The following ESR1 variants were observed in gnomAD, a reference collection of about 807,000 sequenced individuals.
ESR1 encodes the protein estrogen receptor.
A neutral mutation model predicts 52.7 loss-of-function variants in ESR1; 12 were observed. That is an observed-to-expected ratio of 0.23 (90% CI 0.15 to 0.37). The LOEUF (loss-of-function observed/expected upper bound fraction) is 0.37, where lower values mean the gene tolerates loss of function less well. Among genes scored for constraint, ESR1 ranks in the 10% least tolerant of loss-of-function variants. The pLI is 1.00. For missense variants in ESR1, 584 were observed against 779.7 expected, an observed-to-expected ratio of 0.75 and a Z score of 2.99; for synonymous variants, 305 against 316.8, an observed-to-expected ratio of 0.96 and a Z score of 0.39.
At chr6:151,664,040 C>T (rs1777733604) in intron 1 of ESR1, among the ~76,000 whole-genome samples, 2 of 152,190 alleles carry the variant, frequency 1.3e-5, no homozygotes, top group Non-Finnish European at 2.9e-5. Flanking sequence ...AGTGTTTCCA[C>T]TGCCCTTTGT....
intron 3 of ESR1, among the ~76,000 whole-genome samples, chr6:151,918,862 G>A (rs73784103): frequency 6.6e-6 from 1 of 152,312 alleles, no homozygotes; most frequent in African/African-American, 2.4e-5. Context: ...GGCAAATTAA[G>A]ATATACCACT....
intron 3 of ESR1, among the ~76,000 whole-genome samples, chr6:151,890,084 T>C (rs1028768289): frequency 2.6e-5 from 4 of 151,908 alleles, no homozygotes; most frequent in Admixed American, 2.6e-4. Context: ...TATACTGTTT[T>C]TTTTCTTTTT....
intron 3 of ESR1, among the ~76,000 whole-genome samples, chr6:151,887,867 C>T (rs114090685): frequency 0.01 from 1,573 of 152,038 alleles, 16 homozygotes; most frequent in African/African-American, 0.037. Context: ...TTTTTGTATA[C>T]GGCATGAGAT....
At chr6:152,016,068 G>A (rs980074935) in intron 5 of ESR1, among the ~76,000 whole-genome samples, 4 of 152,140 alleles carry the variant, frequency 2.6e-5, no homozygotes, top group African/African-American at 9.7e-5. Flanking sequence ...TACTGTTAGT[G>A]TGGTAGTGAA....
At chr6:151,877,008 A>C (rs1325924066) in intron 2 of ESR1, among the ~76,000 whole-genome samples, 1 of 151,952 alleles carries the variant, frequency 6.6e-6, no homozygotes, top group Non-Finnish European at 1.5e-5. Context: ...TTTCACTAAG[A>C]CAACTGGTGT....
At chr6:152,115,866 G>T (rs1172755453) in intron 6 of ESR1, among the ~76,000 whole-genome samples, 1 of 152,122 alleles carries the variant, frequency 6.6e-6, no homozygotes, top group African/African-American at 2.4e-5. Context: ...TAGCATCTAG[G>T]CCAGCCCTTC....
At chr6:151,927,230 G>A (rs944633237) in intron 3 of ESR1, among the ~76,000 whole-genome samples, 5 of 152,072 alleles carry the variant, frequency 3.3e-5, no homozygotes, top group African/African-American at 7.2e-5. Context: ...TTTATGCATC[G>A]TTTGTTCTGT....
In ESR1 at chr6:151,747,089, G is replaced by A. The variant is rs77551721; in HGVS notation, c.-71+45084G>A. On this transcript the variant is annotated intron_variant, in intron 2 of 2. Transcript: ENST00000404742. ...ATTGTCATCTGCAAAAAATATACAC[G>A]TATGTCTCTTTTAACTAATGATTTT... Among the ~76,000 whole-genome samples the A allele has an allele frequency of 8.6e-4, 131 of 152,238 alleles. 2 individuals carry two copies. In the East Asian group the frequency reaches 0.022, roughly 25 times the overall value.
chr6:151,700,923 G>A (rs1468755616), intron 1 of ESR1, among the ~76,000 whole-genome samples: 1 of 152,078 alleles, frequency 6.6e-6, no homozygotes, highest in Non-Finnish European at 1.5e-5. Flanking sequence ...GTAAAAAAGT[G>A]CCCCATGGGA....
intron 3 of ESR1, among the ~76,000 whole-genome samples, chr6:151,926,167 A>T (rs2032701503): frequency 6.6e-6 from 1 of 151,746 alleles, no homozygotes. Context: ...CTATTTCTGG[A>T]CTTCTTACTC....
chr6:152,084,633 G>C (rs934608242), intron 6 of ESR1, among the ~76,000 whole-genome samples: 2 of 150,534 alleles, frequency 1.3e-5, no homozygotes, highest in Admixed American at 6.6e-5. Context: ...TGCAAGTTTG[G>C]CTCTAAATTT....
At chr6:152,079,341 C>T (rs1316394584) in intron 6 of ESR1, among the ~76,000 whole-genome samples, 2 of 152,174 alleles carry the variant, frequency 1.3e-5, no homozygotes, top group African/African-American at 4.8e-5. Flanking sequence ...GATACCCAGG[C>T]AAACAGGGTC....
chr6:152,050,052 G>A (rs889516228), intron 5 of ESR1, among the ~76,000 whole-genome samples: 1 of 152,168 alleles, frequency 6.6e-6, no homozygotes, highest in Non-Finnish European at 1.5e-5. Context: ...CACCACTGTT[G>A]GTCGGCTTCC....
intron 3 of ESR1, among the ~76,000 whole-genome samples, chr6:151,904,327 G>A (rs1203603984): frequency 6.6e-6 from 1 of 152,152 alleles, no homozygotes; most frequent in Non-Finnish European, 1.5e-5. Context: ...ATATTTTAGT[G>A]GTATACACTA....
chr6:152,070,592 A>G lies in ESR1; in HGVS notation c.1369+9468A>G, dbSNP rs1451736708. ...TTTGAGTCTAGACCAAACTCACAGC[A>G]CTTAGCCAGAATATGTACATCTGCA... is the stretch of plus-strand genomic sequence containing the variant. On this transcript the variant is annotated intron_variant, in intron 6 of 7. Transcript: ENST00000206249. 6.5e-5 allele frequency among the ~76,000 whole-genome samples: 9 copies of G among 138,460 alleles called. 3 individuals are homozygous for G. The highest frequency in any genetic ancestry group is 2.9e-4 in the African/African-American group (9 of 31,482). 90.8% of individuals were successfully genotyped at this position (138,460 alleles called of 152,430 possible).
At chr6:151,850,939 C>A (rs1445730110) in intron 2 of ESR1, among the ~76,000 whole-genome samples, 2 of 152,036 alleles carry the variant, frequency 1.3e-5, no homozygotes, top group African/African-American at 2.4e-5. Context: ...TTGCTTATGT[C>A]TTTTTTCTTG....
intron 4 of ESR1, among the ~76,000 whole-genome samples, chr6:151,987,473 G>T (rs1460956510): frequency 6.6e-6 from 1 of 152,090 alleles, no homozygotes. Context: ...TGGCCAGGCT[G>T]GTCTCAAACT....
At chr6:151,873,937 T>C (rs1283717256) in intron 2 of ESR1, among the ~76,000 whole-genome samples, 4 of 152,212 alleles carry the variant, frequency 2.6e-5, no homozygotes, top group Non-Finnish European at 5.9e-5. Flanking sequence ...CCAAGCTTTA[T>C]ATATGTTAGC....
intron 1 of ESR1, among the ~76,000 whole-genome samples, chr6:151,670,823 C>G (rs1313792282): frequency 7.7e-6 from 1 of 130,708 alleles, no homozygotes; most frequent in African/African-American, 3.0e-5. Flanking sequence ...GGCTGGAGTG[C>G]AGTGGCGCAA....
Sources: gnomAD v4.1 joint callset for allele counts (sites outside exome capture counted in the v4.1 genomes callset) on GRCh38, gnomAD v4.1.1 for gene constraint, MANE v1.5 for transcripts, NCBI Gene and HGNC (gene_info 2026-07-23, HGNC 2026-07-21) for gene names.